EIF2B3: variants seen among roughly 807,000 people sequenced by gnomAD.
EIF2B3 encodes eukaryotic translation initiation factor 2B subunit gamma.
EIF2B3 carries 20 observed loss-of-function variants against 54.1 expected under a neutral mutation model. The ratio of observed to expected loss-of-function variants is 0.37; its 90% CI spans 0.26 to 0.54. EIF2B3 has a LOEUF of 0.54. EIF2B3 is among the 20% of genes least tolerant of loss of function. EIF2B3 has a pLI of 0.86. For missense variants in EIF2B3, 448 were observed against 547.8 expected, an observed-to-expected ratio of 0.82 and a Z score of 1.82; for synonymous variants, 153 against 188.1, an observed-to-expected ratio of 0.81 and a Z score of 1.52.
At chr1:44,975,263 T>G (rs1301470398) in intron 3 of EIF2B3, among the ~76,000 whole-genome samples, 1 of 152,134 alleles carries the variant, frequency 6.6e-6, no homozygotes, top group African/African-American at 2.4e-5. Flanking sequence ...TTGAGAGAAA[T>G]TAAGCGAAAC....
intron 5 of EIF2B3, among the ~76,000 whole-genome samples, chr1:44,919,942 G>A (rs1441345574): frequency 6.9e-6 from 1 of 144,148 alleles, no homozygotes; most frequent in Non-Finnish European, 1.5e-5. Flanking sequence ...GGATGGTCTT[G>A]ATCTCCTGAC....
intron 6 of EIF2B3, among the ~76,000 whole-genome samples, chr1:44,886,411 G>A (rs1655586674): frequency 6.6e-6 from 1 of 152,106 alleles, no homozygotes; most frequent in South Asian, 2.1e-4. Flanking sequence ...TTTCAAGCAT[G>A]TATTCTTACT....
At chr1:44,904,804 T>C (rs1281969460) in intron 5 of EIF2B3, among the ~76,000 whole-genome samples, 1 of 152,162 alleles carries the variant, frequency 6.6e-6, no homozygotes, top group Admixed American at 6.6e-5. Flanking sequence ...TGAGCCACCA[T>C]GTCCAGCCAG....
At chr1:44,980,952 C>T (rs1466321853) in intron 2 of EIF2B3, 69 bp downstream of exon 2, 2 of 1,592,536 alleles carry the variant, frequency 1.3e-6, no homozygotes, top group Non-Finnish European at 8.6e-7. Context: ...TCTCATAACG[C>T]TGACAAATCA....
In EIF2B3 at chr1:44,983,099, A is replaced by G. The variant is rs944576473; in HGVS notation, c.-9-1922T>C. 1.5e-4 allele frequency among the ~76,000 whole-genome samples: 22 copies of G among 151,646 alleles called. No homozygotes were observed. The South Asian group carries it at 1.7e-3, about 12-fold the overall frequency. ...GGCTAATTCTTTTAATTAATTTTTT[A>G]TAGAGATGGGGTTTCACTATGCTGC... is the stretch of plus-strand genomic sequence containing the variant. On this transcript the variant is annotated intron_variant, in intron 1 of 11. Coordinates refer to ENST00000360403, the MANE Select transcript of EIF2B3 (RefSeq NM_020365.5).
chr1:44,965,440 G>T (rs1644326696), intron 3 of EIF2B3, among the ~76,000 whole-genome samples: 1 of 151,916 alleles, frequency 6.6e-6, no homozygotes, highest in East Asian at 1.9e-4. Flanking sequence ...AGAATCTTTA[G>T]AACAGGTTTA....
At chr1:44,868,266 C>T (rs1438999609) in intron 10 of EIF2B3, among the ~76,000 whole-genome samples, 2 of 151,624 alleles carry the variant, frequency 1.3e-5, no homozygotes, top group African/African-American at 4.8e-5. Context: ...GGCGTGGTGG[C>T]GGGCACCTGT....
chr1:44,877,179 C>A (rs1655194550), intron 8 of EIF2B3, among the ~76,000 whole-genome samples: 1 of 89,460 alleles, frequency 1.1e-5, no homozygotes, highest in African/African-American at 5.1e-5. Flanking sequence ...GAGAAACACC[C>A]AAGAATGATC....
chr1:44,913,561 G>C (rs911834311), intron 5 of EIF2B3, among the ~76,000 whole-genome samples: 3 of 151,982 alleles, frequency 2.0e-5, no homozygotes, highest in African/African-American at 7.3e-5. Flanking sequence ...CTAGAGTTCA[G>C]TGGCATGAAA....
intron 6 of EIF2B3, among the ~76,000 whole-genome samples, chr1:44,895,511 C>CCTCTCT (rs146238886): frequency 6.7e-6 from 1 of 150,292 alleles, no homozygotes; most frequent in Non-Finnish European, 1.5e-5. Context: ...TTAAAAAAAG[C>CCTCTCT]CTCTCTCTCT....
rs749071361 is a variant in EIF2B3, at chr1:44,981,110, G to T, written c.59C>A (p.Thr20Asn). Residue 20 changes from threonine (T) to asparagine (N), a missense_variant, in exon 2 of 12, where the codon ACT (threonine) becomes AAT (asparagine). By Grantham distance (65) the Thr-to-Asn change is moderately conservative. Coordinates refer to ENST00000360403, the MANE Select transcript of EIF2B3 (RefSeq NM_020365.5). The stretch of plus-strand genomic sequence containing the variant: ...AAGCAGAGGTTTGGGAATGCTGGAA[G>T]TTAGGTCTGTCATCCGAGATCCTCC... ...VGGGSRMTDL[T>N]SSIPKPLLPV... 6 of 1,613,062 alleles carry T rather than the reference G, an allele frequency of 3.7e-6. No homozygotes were observed. The highest frequency in any genetic ancestry group is 3.4e-6 in the Non-Finnish European group (4 of 1,179,934).
intron 5 of EIF2B3, among the ~76,000 whole-genome samples, chr1:44,918,475 C>T (rs896848767): frequency 3.4e-5 from 5 of 149,206 alleles, no homozygotes; most frequent in South Asian, 4.3e-4. Context: ...CTGTAACCTC[C>T]GCCTCCCAGG....
intron 4 of EIF2B3, among the ~76,000 whole-genome samples, chr1:44,930,030 C>T (rs1643882465): frequency 6.6e-6 from 1 of 152,102 alleles, no homozygotes; most frequent in South Asian, 2.1e-4. Context: ...AGAAAGCAGA[C>T]AAAACTGAAC....
intron 3 of EIF2B3, among the ~76,000 whole-genome samples, chr1:44,943,216 A>G (rs1281876741): frequency 6.7e-6 from 1 of 148,748 alleles, no homozygotes; most frequent in African/African-American, 2.5e-5. Flanking sequence ...GGGTCTCACT[A>G]TGTTTCTCAC....
At chr1:44,876,430 G>A (rs200597407) in intron 8 of EIF2B3, among the ~76,000 whole-genome samples, 2 of 138,962 alleles carry the variant, frequency 1.4e-5, no homozygotes, top group African/African-American at 2.7e-5. Context: ...GTCTCTGCCC[G>A]GCCGCCCCGT....
rs567183739 is a variant in EIF2B3, at chr1:44,934,063, G to A, written c.455-7324C>T. Among the ~76,000 whole-genome samples, 7 of 144,638 alleles carry A rather than the reference G, an allele frequency of 4.8e-5. No individual in the cohort carries two copies. The East Asian group carries it at 1.0e-3, about 21-fold the overall frequency. The allele number at this position is 144,638 out of a possible 152,430, so 94.9% of individuals were successfully genotyped here. ...CTTGAATCCAGGAGGTGGAGGTTGC[G>A]GTGAGCCAAGATCGTGCCATTGCAC... On this transcript the variant is annotated intron_variant, in intron 4 of 11. Coordinates refer to ENST00000360403, the MANE Select transcript of EIF2B3 (RefSeq NM_020365.5).
intron 3 of EIF2B3, among the ~76,000 whole-genome samples, chr1:44,972,849 G>A (rs1324593359): frequency 6.6e-6 from 1 of 151,738 alleles, no homozygotes; most frequent in Admixed American, 6.6e-5. Context: ...GTATTTTGGG[G>A]GCAATATAGT....
chr1:44,903,954 G>A (rs1485693650), intron 5 of EIF2B3, among the ~76,000 whole-genome samples: 4 of 152,150 alleles, frequency 2.6e-5, no homozygotes, highest in African/African-American at 9.7e-5. Context: ...GCACACACCT[G>A]TAATCTCAGC....
intron 5 of EIF2B3, among the ~76,000 whole-genome samples, chr1:44,918,186 C>T (rs1015272040): frequency 2.7e-5 from 4 of 150,020 alleles, no homozygotes; most frequent in Non-Finnish European, 4.4e-5. Context: ...CAAGTTCAAG[C>T]GATTCTCCTG....
Sources: gnomAD v4.1 joint callset for allele counts (sites outside exome capture counted in the v4.1 genomes callset) on GRCh38, gnomAD v4.1.1 for gene constraint, MANE v1.5 for transcripts, NCBI Gene and HGNC (gene_info 2026-07-23, HGNC 2026-07-21) for gene names.